GRM7: variants seen among roughly 807,000 people sequenced by gnomAD.
GRM7 encodes metabotropic glutamate receptor 7.
Under a neutral mutation model 84.5 loss-of-function variants are expected in GRM7, and 35 were observed. The observed-to-expected ratio is 0.41, with a 90% CI of 0.32 to 0.55. The LOEUF is 0.55. Ranked by LOEUF, GRM7 falls within the 20% of genes least tolerant of loss-of-function variation. The pLI is 0.19. For missense variants in GRM7, 1,003 were observed against 1,194.6 expected, an observed-to-expected ratio of 0.84 and a Z score of 2.36; for synonymous variants, 487 against 455.1, an observed-to-expected ratio of 1.07 and a Z score of -0.89.
chr3:7,660,447 ATAT>A (rs1699389818), intron 8 of GRM7, among the ~76,000 whole-genome samples: 1 of 152,240 alleles, frequency 6.6e-6, no homozygotes, highest in Non-Finnish European at 1.5e-5. Context: ...AAACAACAAA[ATAT>A]TATAGATGTA....
At chr3:7,643,309 A>G (rs1319514305) in intron 8 of GRM7, among the ~76,000 whole-genome samples, 2 of 132,276 alleles carry the variant, frequency 1.5e-5, no homozygotes, top group African/African-American at 5.9e-5. Flanking sequence ...AGGGCTACGC[A>G]GGGAGCCCAA....
In GRM7 at chr3:7,229,477, C is replaced by A. The variant is rs529527053; in HGVS notation, c.737-69207C>A. Among the ~76,000 whole-genome samples the A allele has an allele frequency of 4.0e-5, 6 of 151,660 alleles. No individual in the cohort carries two copies. In the East Asian group the frequency reaches 1.2e-3, roughly 30 times the overall value. On this transcript the variant is annotated intron_variant, in intron 2 of 9. Transcript: ENST00000357716. ...GGGACCTCAAACCCAAGAACCCAAG[C>A]GCTTTATGAGTATTACGTTAAATTA...
At chr3:6,886,042 A>C (rs867843069) in intron 1 of GRM7, among the ~76,000 whole-genome samples, 1 of 152,242 alleles carries the variant, frequency 6.6e-6, no homozygotes, top group Middle Eastern at 3.4e-3. Context: ...ACATTGTGGA[A>C]TGTTTACCAC....
chr3:7,087,910 G>A (rs956276450), intron 1 of GRM7, among the ~76,000 whole-genome samples: 1 of 152,152 alleles, frequency 6.6e-6, no homozygotes, highest in African/African-American at 2.4e-5. Flanking sequence ...ACTTAGAAGA[G>A]AGACAACGTA....
At chr3:6,875,872 T>G (rs1195341743) in intron 1 of GRM7, among the ~76,000 whole-genome samples, 2 of 152,182 alleles carry the variant, frequency 1.3e-5, no homozygotes, top group African/African-American at 4.8e-5. Flanking sequence ...TTTTATAATT[T>G]TATTCATTCT....
chr3:7,374,753 A>T lies in GRM7; in HGVS notation c.1034-40270A>T, dbSNP rs192329131. On this transcript the variant is annotated intron_variant, in intron 4 of 9. Transcript: ENST00000357716. ...TGATCCGCCTGCCTCGGCCTCCCAA[A>T]GTGCTGGGATTACAGGCTTGAGCCA... is the stretch of plus-strand genomic sequence containing the variant. Among the ~76,000 whole-genome samples, 689 of 151,828 alleles carry T rather than the reference A, an allele frequency of 4.5e-3. 4 individuals carry two copies. The highest frequency in any genetic ancestry group is 0.015 in the African/African-American group (641 of 41,364).
chr3:7,430,638 A>G (rs1256150287), intron 5 of GRM7, among the ~76,000 whole-genome samples: 1 of 152,222 alleles, frequency 6.6e-6, no homozygotes, highest in African/African-American at 2.4e-5. Flanking sequence ...ATATGTCTAC[A>G]AAACTCTTGT....
At chr3:7,584,833 A>T (rs1695434044) in intron 8 of GRM7, among the ~76,000 whole-genome samples, 2 of 152,180 alleles carry the variant, frequency 1.3e-5, no homozygotes, top group African/African-American at 4.8e-5. Context: ...TTTCAATAGA[A>T]ATACAATTTT....
intron 1 of GRM7, among the ~76,000 whole-genome samples, chr3:7,099,330 C>A (rs939017019): frequency 8.3e-6 from 1 of 119,818 alleles, no homozygotes; most frequent in Admixed American, 8.4e-5. Flanking sequence ...TATATATGTA[C>A]ACATGTATTA....
chr3:6,891,604 TG>T (rs1236672424), intron 1 of GRM7, among the ~76,000 whole-genome samples: 1 of 152,240 alleles, frequency 6.6e-6, no homozygotes, highest in Non-Finnish European at 1.5e-5. Context: ...AGAGATCCAC[TG>T]TTAGTCTGAT....
At chr3:7,316,742 G>C (rs553730474) in intron 4 of GRM7, among the ~76,000 whole-genome samples, 1 of 150,378 alleles carries the variant, frequency 6.6e-6, no homozygotes, top group Admixed American at 6.6e-5. Context: ...ATCTATCCAA[G>C]TATCTCAGTA....
At chr3:7,544,907 A>T (rs748165462) in intron 7 of GRM7, among the ~76,000 whole-genome samples, 5 of 152,244 alleles carry the variant, frequency 3.3e-5, no homozygotes, top group Admixed American at 6.5e-5. Flanking sequence ...TCGAACCTCT[A>T]AAATCAATTT....
chr3:7,347,712 G>A (rs17047184), intron 4 of GRM7, among the ~76,000 whole-genome samples: 9,561 of 152,050 alleles, frequency 0.063, 775 homozygotes, highest in African/African-American at 0.19. Flanking sequence ...AAACTTTATC[G>A]TCTTCATTAT....
At chr3:7,222,369 G>A (rs7648361) in intron 2 of GRM7, among the ~76,000 whole-genome samples, 3 of 151,914 alleles carry the variant, frequency 2.0e-5, no homozygotes, top group African/African-American at 4.8e-5. Context: ...CCCCCACCGC[G>A]AACTGACTTT....
chr3:7,452,834 T>C (rs769944164), intron 6 of GRM7, 27 bp downstream of exon 6: 1 of 1,434,550 alleles, frequency 7.0e-7, no homozygotes, highest in South Asian at 1.2e-5. Flanking sequence ...CCATCCTTTT[T>C]GGAATCCTAA....
chr3:7,671,673 C>G (rs998569939), intron 8 of GRM7, among the ~76,000 whole-genome samples: 1 of 151,186 alleles, frequency 6.6e-6, no homozygotes, highest in African/African-American at 2.4e-5. Flanking sequence ...GTGAGTGTAT[C>G]TCTATCTGTC....
intron 1 of GRM7, among the ~76,000 whole-genome samples, chr3:6,912,447 A>C (rs997100481): frequency 6.6e-6 from 1 of 152,306 alleles, no homozygotes; most frequent in East Asian, 1.9e-4. Flanking sequence ...TTGAAATCTT[A>C]GCAGTTGGAG....
intron 7 of GRM7, among the ~76,000 whole-genome samples, chr3:7,523,809 T>C (rs1144025): frequency 0.61 from 93,375 of 151,856 alleles, 29,755 homozygotes; most frequent in African/African-American, 0.79. Flanking sequence ...AGGACAGATA[T>C]GGAAATGCGG....
At chr3:7,106,956 T>C (rs1432751102) in intron 1 of GRM7, among the ~76,000 whole-genome samples, 1 of 152,014 alleles carries the variant, frequency 6.6e-6, no homozygotes, top group Non-Finnish European at 1.5e-5. Context: ...CTGTGCCAGT[T>C]GGTATGCTAG....
Sources: gnomAD v4.1 joint callset for allele counts (sites outside exome capture counted in the v4.1 genomes callset) on GRCh38, gnomAD v4.1.1 for gene constraint, MANE v1.5 for transcripts, NCBI Gene and HGNC (gene_info 2026-07-23, HGNC 2026-07-21) for gene names.